The following TIAM1 variants were observed in gnomAD, a reference collection of about 807,000 sequenced individuals.
TIAM1 encodes the protein TIAM Rac1 associated GEF 1, also known as rho guanine nucleotide exchange factor TIAM1.
In TIAM1, 65 loss-of-function variants were observed where a neutral mutation model predicts 163.5. That is an observed-to-expected ratio of 0.40 (90% confidence interval 0.33 to 0.49). The LOEUF (loss-of-function observed/expected upper bound fraction) is 0.49, where lower values mean the gene tolerates loss of function less well. Ranked by LOEUF, TIAM1 falls within the 20% of genes least tolerant of loss-of-function variation. TIAM1 has a pLI of 0.77. For synonymous variants in TIAM1, 833 were observed against 810.1 expected (o/e 1.03, Z -0.48); for missense variants, 1,789 against 2,044.7 (o/e 0.87, Z 2.41).
At chr21:31,247,222 G>T (rs2071548854) in intron 5 of TIAM1, among the ~76,000 whole-genome samples, 1 of 151,734 alleles carries the variant, frequency 6.6e-6, no homozygotes, top group Admixed American at 6.6e-5. Context: ...GAGCTGGGAG[G>T]ATTGTTTGAG....
At chr21:31,344,116 C>G (rs1326999785) in intron 1 of TIAM1, 22 bp downstream of exon 1, 1 of 152,236 alleles carries the variant, frequency 6.6e-6, no homozygotes, top group Non-Finnish European at 1.5e-5. Flanking sequence ...TGGAAAGAAT[C>G]GATTTCAAAA....
intron 5 of TIAM1, among the ~76,000 whole-genome samples, chr21:31,250,538 C>T (rs531614350): frequency 5.3e-5 from 8 of 152,320 alleles, no homozygotes; most frequent in African/African-American, 1.9e-4. Flanking sequence ...CTAGGCTGCT[C>T]CATGTCTCTA....
intron 9 of TIAM1, among the ~76,000 whole-genome samples, chr21:31,216,766 C>G (rs1259867905): frequency 1.3e-5 from 2 of 152,102 alleles, no homozygotes; most frequent in Admixed American, 1.3e-4. Context: ...GGGGCTGTGG[C>G]AGTGGGCGAG....
intron 11 of TIAM1, among the ~76,000 whole-genome samples, chr21:31,208,317 T>C (rs1183665834): frequency 6.6e-6 from 1 of 152,198 alleles, no homozygotes; most frequent in Non-Finnish European, 1.5e-5. Context: ...CAAAGCCATG[T>C]TATTCTTCTG....
At position 31,118,555 on chromosome 21, in the gene TIAM1, G is replaced by C. The variant is rs1568849601; in HGVS notation, c.*1813C>G. ...TGACATAGACACGTCATGACCTTAT[G>C]TACAAGAGACAATGGCACCCTCTCC... On this transcript the variant is annotated 3_prime_UTR_variant, in exon 28 of 28. Coordinates refer to ENST00000541036, the MANE Select transcript of TIAM1 (RefSeq NM_001353694.2). The C allele has an allele frequency of 2.1e-6, 1 of 471,694 alleles. No individual in the cohort carries two copies. Among genetic ancestry groups the C allele is most frequent in the Non-Finnish European group, 4.4e-6 (1 of 227,192 alleles). The allele number at this position is 471,694 out of a possible 1,614,324, so 29.2% of individuals were successfully genotyped here.
At position 31,138,493 on chromosome 21, in the gene TIAM1, T is replaced by C. The variant is rs147892541; in HGVS notation, c.3775-2452A>G. Among the ~76,000 whole-genome samples, 241 of 152,330 alleles carry C rather than the reference T, an allele frequency of 1.6e-3. 15 individuals are homozygous for C. The highest frequency in any genetic ancestry group is 3.4e-3 in the Middle Eastern group (1 of 294). On this transcript the variant is annotated intron_variant, in intron 22 of 27. Coordinates refer to ENST00000541036, the MANE Select transcript of TIAM1 (RefSeq NM_001353694.2). ...TCATCAATCCATTCTAGGCTGTTAC[T>C]TCACATTGCCACTAAGAGGGAACCA...
intron 1 of TIAM1, among the ~76,000 whole-genome samples, chr21:31,520,114 T>C (rs572066242): frequency 6.6e-6 from 1 of 152,186 alleles, no homozygotes; most frequent in Non-Finnish European, 1.5e-5. Context: ...GCGGAGCACC[T>C]GAGGTCGGGA....
At chr21:31,268,945 C>A (rs1379086374) in intron 3 of TIAM1, among the ~76,000 whole-genome samples, 1 of 152,018 alleles carries the variant, frequency 6.6e-6, no homozygotes, top group East Asian at 1.9e-4. Flanking sequence ...GACTTAGAAC[C>A]AATGTTAGTC....
At chr21:31,200,339 A>G (rs78249488) in intron 12 of TIAM1, among the ~76,000 whole-genome samples, 9 of 145,120 alleles carry the variant, frequency 6.2e-5, no homozygotes, top group African/African-American at 2.0e-4. Context: ...TTCATCACAG[A>G]AAAAAAAAAA....
In TIAM1 at chr21:31,367,035, G is replaced by C. The variant is rs1405653051; in HGVS notation, c.-368-27613C>G. On this transcript the variant is annotated intron_variant, in intron 2 of 28. Transcript: ENST00000286827. ...TAAGGAAATGACTCATGAGTATTCAGATTTGGATGGGTCCCAGAAAATAGC... is the reference window on the plus strand; with the variant it reads ...TAAGGAAATGACTCATGAGTATTCACATTTGGATGGGTCCCAGAAAATAGC... 4.0e-5 allele frequency among the ~76,000 whole-genome samples: 6 copies of C among 151,840 alleles called. 1 individual carries two copies. Among genetic ancestry groups the C allele is most frequent in the Non-Finnish European group, 2.9e-5 (2 of 67,980 alleles).
chr21:31,353,165 C>T (rs2076261947), intron 2 of TIAM1, among the ~76,000 whole-genome samples: 1 of 152,142 alleles, frequency 6.6e-6, no homozygotes, highest in African/African-American at 2.4e-5. Context: ...AATTTCAACG[C>T]ATATCAAGAA....
chr21:31,486,563 G>C (rs2046279287), intron 1 of TIAM1, among the ~76,000 whole-genome samples: 1 of 152,238 alleles, frequency 6.6e-6, no homozygotes, highest in South Asian at 2.1e-4. Context: ...CTCTGGGCTT[G>C]GTTGTGCCTT....
intron 1 of TIAM1, among the ~76,000 whole-genome samples, chr21:31,497,714 GCAGA>G (rs2147438412): frequency 6.6e-6 from 1 of 152,296 alleles, no homozygotes; most frequent in African/African-American, 2.4e-5. Context: ...AATAGCGCGA[GCAGA>G]CAGTTTGGAG....
intron 2 of TIAM1, among the ~76,000 whole-genome samples, chr21:31,430,237 T>C (rs1333714836): frequency 0.016 from 2,049 of 131,560 alleles, 88 homozygotes; most frequent in African/African-American, 0.063. Flanking sequence ...TATATATATA[T>C]ATATATATAT....
rs182820639 is a variant in TIAM1 at position 31,395,216 on chromosome 21, C to T, written c.-368-55794G>A. ...TCGCGCCACCACACTCCAGCCTGGG[C>T]AACAGAGTGAGACTCTGTCTCAAAA... On this transcript the variant is annotated intron_variant, in intron 2 of 28. Coordinates refer to the TIAM1 transcript ENST00000286827. This position sits in a 1 kb window ranked among gnomAD's most constrained non-coding sequence, Gnocchi z 7.5. Among the ~76,000 whole-genome samples the T allele has an allele frequency of 7.2e-3, 1,074 of 149,038 alleles. 12 individuals carry two copies. The highest frequency in any genetic ancestry group is 0.024 in the African/African-American group (961 of 40,608).
chr21:31,176,344 G>T (rs1006333393), intron 15 of TIAM1, among the ~76,000 whole-genome samples: 9 of 152,094 alleles, frequency 5.9e-5, no homozygotes, highest in Non-Finnish European at 1.0e-4. Context: ...TATAAAAACA[G>T]CCACTGAAGG....
intron 12 of TIAM1, among the ~76,000 whole-genome samples, chr21:31,197,539 C>CTTTTTTTTTTT (rs58141765): frequency 0.042 from 5,197 of 122,440 alleles, 443 homozygotes; most frequent in African/African-American, 0.16. Flanking sequence ...CCGCGCCCGG[C>CTTTTTTTTTTT]TTTTTTTTTT....
At chr21:31,521,545 G>A (rs1308102444) in intron 1 of TIAM1, among the ~76,000 whole-genome samples, 4 of 152,096 alleles carry the variant, frequency 2.6e-5, no homozygotes, top group African/African-American at 7.2e-5. Flanking sequence ...AGACCAGCCT[G>A]GGTAATATAG....
At chr21:31,465,306 T>C (rs2045482630) in intron 1 of TIAM1, among the ~76,000 whole-genome samples, 1 of 152,028 alleles carries the variant, frequency 6.6e-6, no homozygotes, top group Non-Finnish European at 1.5e-5. Context: ...GCAAGATCTG[T>C]AGTCTTGAAC....
Sources: allele counts gnomAD v4.1 joint callset (sites outside exome capture counted in the v4.1 genomes callset), GRCh38; gene constraint gnomAD v4.1.1; non-coding constraint Gnocchi (gnomAD v3.1); transcripts MANE v1.5; gene names NCBI Gene and HGNC (gene_info 2026-07-23, HGNC 2026-07-21).